TM9SF4: variants seen among roughly 807,000 people sequenced by gnomAD.
TM9SF4 encodes the protein transmembrane 9 superfamily member 4, also known as dinucleotide oxidase disulfide thiol exchanger 3 superfamily member 4.
Under a neutral mutation model 90.4 loss-of-function variants are expected in TM9SF4, and 26 were observed. The ratio of observed to expected loss-of-function variants is 0.29; its 90% CI spans 0.21 to 0.40. TM9SF4 has a LOEUF of 0.40. Ranked by LOEUF, TM9SF4 falls within the 10% of genes least tolerant of loss-of-function variation. The probability of loss-of-function intolerance (pLI) is 1.00; values close to 1 mark genes in which losing one functional copy is unlikely to be tolerated. For synonymous variants in TM9SF4, 293 were observed against 315.4 expected (o/e 0.93, Z 0.75); for missense variants, 549 against 834.8 (o/e 0.66, Z 4.22).
At chr20:32,111,600 A>G (rs2046143401) in intron 1 of TM9SF4, among the ~76,000 whole-genome samples, 1 of 152,252 alleles carries the variant, frequency 6.6e-6, no homozygotes. Context: ...TAATGTCACC[A>G]GTAGATGCTG....
At chr20:32,121,823 G>T (rs1374175601) in intron 1 of TM9SF4, among the ~76,000 whole-genome samples, 1 of 150,950 alleles carries the variant, frequency 6.6e-6, no homozygotes, top group Non-Finnish European at 1.5e-5. Context: ...CGGCTGGCCG[G>T]GCGGGGGGCT....
At chr20:32,123,866 A>ATATATATATATATATTTTTTTTTTTTTT in intron 1 of TM9SF4, among the ~76,000 whole-genome samples, 3 of 93,960 alleles carry the variant, frequency 3.2e-5, no homozygotes, top group East Asian at 7.4e-4. Flanking sequence ...ATATATATAT[A>ATATATATATATATATTTTTTTTTTTTTT]TTTTTTTTTT....
Position 32,141,411 on chromosome 20 carries a change from C to T in TM9SF4, c.230-86C>T, listed in dbSNP as rs958405317. The T allele has an allele frequency of 3.6e-5, 55 of 1,507,672 alleles. No homozygotes were observed. In the African/African-American group the frequency reaches 5.9e-4, roughly 16 times the overall value. The allele number at this position is 1,507,672 out of a possible 1,614,324, so 93.4% of individuals were successfully genotyped here. On this transcript the variant is annotated intron_variant, in intron 3 of 17. Coordinates refer to ENST00000398022, the MANE Select transcript of TM9SF4 (RefSeq NM_014742.4). ...GAAGTCCTTGAAAGCCCATGTTTGC[C>T]CCGCAGTCCTGTGTCTCTGTGACTC... is the stretch of plus-strand genomic sequence containing the variant.
intron 12 of TM9SF4, among the ~76,000 whole-genome samples, chr20:32,154,704 C>T (rs563021030): frequency 5.9e-5 from 9 of 152,332 alleles, no homozygotes; most frequent in African/African-American, 1.9e-4. Flanking sequence ...CCACCTACCT[C>T]GGCCTCCCAA....
intron 3 of TM9SF4, among the ~76,000 whole-genome samples, chr20:32,138,155 C>G (rs1381669685): frequency 2.0e-5 from 3 of 152,210 alleles, no homozygotes; most frequent in African/African-American, 7.2e-5. Context: ...TTGTCGCAGG[C>G]TGCCTTCTCC....
intron 1 of TM9SF4, among the ~76,000 whole-genome samples, chr20:32,110,326 C>T (rs980900866): frequency 6.6e-6 from 1 of 152,160 alleles, no homozygotes; most frequent in African/African-American, 2.4e-5. Flanking sequence ...TACCCCACCC[C>T]CATCTTTCAT....
chr20:32,138,330 G>T (rs1410487010), intron 3 of TM9SF4, among the ~76,000 whole-genome samples: 1 of 152,154 alleles, frequency 6.6e-6, no homozygotes. Context: ...TTGTTAAAAG[G>T]AGTACTTCCA....
intron 17 of TM9SF4, among the ~76,000 whole-genome samples, chr20:32,163,539 G>C (rs1040562279): frequency 2.0e-5 from 3 of 151,150 alleles, no homozygotes; most frequent in African/African-American, 7.3e-5. Flanking sequence ...CATGCCCAGT[G>C]CTCACTGTTT....
At chr20:32,150,483 C>A in intron 10 of TM9SF4, 139 bp from the exon 11 acceptor site, 1 of 932,896 alleles carries the variant, frequency 1.1e-6, no homozygotes, top group Non-Finnish European at 1.7e-6. Flanking sequence ...GTTGAGAAGA[C>A]AAGGGAGGGG....
chr20:32,128,798 G>GTGTGTGTGTGTGTT (rs2046463883), intron 1 of TM9SF4, among the ~76,000 whole-genome samples: 1 of 143,122 alleles, frequency 7.0e-6, no homozygotes, highest in Admixed American at 6.9e-5. Flanking sequence ...TTCTGTGTGT[G>GTGTGTGTGTGTGTT]TGTGTGTGTG....
chr20:32,157,989 C>G lies in TM9SF4; in HGVS notation c.1505+20C>G. The G allele has an allele frequency of 6.2e-7, 1 of 1,613,432 alleles. No homozygotes were observed. Among genetic ancestry groups the G allele is most frequent in the Non-Finnish European group, 8.5e-7 (1 of 1,179,518 alleles). The stretch of plus-strand genomic sequence containing the variant: ...TGTGGGGTGAGTCCTCCAGCAGAGG[C>G]AAGAGCAGGGGAACGTGGAAGAGGG... On this transcript the variant is annotated intron_variant, in intron 14 of 17. Coordinates refer to ENST00000398022, the MANE Select transcript of TM9SF4 (RefSeq NM_014742.4).
intron 3 of TM9SF4, among the ~76,000 whole-genome samples, chr20:32,140,192 TA>T (rs2046651838): frequency 1.3e-5 from 2 of 152,204 alleles, no homozygotes; most frequent in African/African-American, 4.8e-5. Flanking sequence ...AGGTGTTAAT[TA>T]GTCTTCATCT....
In TM9SF4 at chr20:32,165,667, G is replaced by T; in HGVS notation, c.*223G>T. The T allele has an allele frequency of 1.8e-6, 1 of 550,124 alleles. No homozygotes were observed. The highest frequency in any genetic ancestry group is 3.2e-6 in the Non-Finnish European group (1 of 311,072). The allele number at this position is 550,124 out of a possible 1,614,324, so 34.1% of individuals were successfully genotyped here. On this transcript the variant is annotated 3_prime_UTR_variant, in exon 18 of 18. Transcript: ENST00000398022. ...TTCTGTGGGGGATGAGTTTTTTTGT[G>T]GGTTGCTTTTTCTTCAGTGCTAAGA...
chr20:32,163,268 A>AAAATATATATATATAT (rs1555886757), intron 17 of TM9SF4, among the ~76,000 whole-genome samples: 2 of 74,482 alleles, frequency 2.7e-5, no homozygotes, highest in African/African-American at 1.2e-4. Flanking sequence ...AAAAAAAAAA[A>AAAATATATATATATAT]ATATATATAT....
In TM9SF4 at chr20:32,126,750, C is replaced by T. The variant is rs77901723; in HGVS notation, c.16-6263C>T. Reference sequence around the variant, plus strand: ...AACTAATTTCTTTTTTTTTTTTTTTCCTGAGACGAAGTCTCGCTCTTGTCC... The same window carrying T: ...AACTAATTTCTTTTTTTTTTTTTTTTCTGAGACGAAGTCTCGCTCTTGTCC... On this transcript the variant is annotated intron_variant, in intron 1 of 17. Coordinates refer to ENST00000398022, the MANE Select transcript of TM9SF4 (RefSeq NM_014742.4). 7.2e-3 allele frequency among the ~76,000 whole-genome samples: 360 copies of T among 50,264 alleles called. 4 individuals are homozygous for T. The highest frequency in any genetic ancestry group is 0.029 in the East Asian group (12 of 408). 33.0% of individuals were successfully genotyped at this position (50,264 alleles called of 152,430 possible).
chr20:32,131,175 C>G (rs879703985), intron 1 of TM9SF4, among the ~76,000 whole-genome samples: 3 of 152,158 alleles, frequency 2.0e-5, no homozygotes, highest in Non-Finnish European at 4.4e-5. Context: ...ATACACCTGT[C>G]TTAGCCATGG....
intron 1 of TM9SF4, among the ~76,000 whole-genome samples, chr20:32,113,983 G>A (rs901560649): frequency 7.9e-5 from 12 of 152,340 alleles, no homozygotes; most frequent in Non-Finnish European, 1.5e-4. Flanking sequence ...TCATGTATCA[G>A]TAGTGCCGCA....
rs1439448676 is a variant in TM9SF4 at position 32,150,677 on chromosome 20, A to G, written c.1143A>G (p.Thr381=). 8.7e-6 allele frequency: 14 copies of G among 1,614,038 alleles called. No homozygotes were observed. Among genetic ancestry groups the G allele is most frequent in the Non-Finnish European group, 1.1e-5 (13 of 1,180,034 alleles). ...CCAGCCGGGGAGCTCTCATGACCAC[A>G]GCCTGCTTCCTCTTCATGTTCATGG... ...SPSSRGALMT[T]ACFLFMFMGV... The change falls in exon 11 of 18, where the codon ACA becomes ACG. Residue 381 remains threonine (T), a synonymous_variant. Coordinates refer to ENST00000398022, the MANE Select transcript of TM9SF4 (RefSeq NM_014742.4).
At chr20:32,111,132 A>AAC (rs2046137136) in intron 1 of TM9SF4, among the ~76,000 whole-genome samples, 1 of 152,180 alleles carries the variant, frequency 6.6e-6, no homozygotes, top group African/African-American at 2.4e-5. Context: ...GGGATTCCTT[A>AAC]TTTAGAACTT....
Sources: allele counts gnomAD v4.1 joint callset (sites outside exome capture counted in the v4.1 genomes callset), GRCh38; gene constraint gnomAD v4.1.1; transcripts MANE v1.5; gene names NCBI Gene and HGNC (gene_info 2026-07-23, HGNC 2026-07-21).